Variants in RAD18 observed in about 807,000 individuals in gnomAD.
The protein encoded by RAD18 is E3 ubiquitin-protein ligase RAD18.
Under a neutral mutation model 60.4 loss-of-function variants are expected in RAD18, and 47 were observed. That is an observed-to-expected ratio of 0.78 (90% confidence interval 0.62 to 0.99). RAD18 has a LOEUF of 0.99. Among genes scored for constraint, RAD18 ranks in the 50% least tolerant of loss-of-function variants. The pLI is 0.00. For synonymous variants in RAD18, 225 were observed against 195.5 expected, an observed-to-expected ratio of 1.15 and a Z score of -1.26; for missense variants, 640 against 593.3, an observed-to-expected ratio of 1.08 and a Z score of -0.82.
In RAD18 at chr3:8,878,408, T is replaced by C. The variant is rs1224440192; in HGVS notation, c.*2949A>G. ...TGGTAAAAAATGTAATGGTTGTGGT[T>C]TTCCCTCTTATGTTCATACTTTCAT... On this transcript the variant is annotated 3_prime_UTR_variant, in exon 13 of 13. Transcript: ENST00000264926. 1 of 152,202 alleles carries C rather than the reference T, an allele frequency of 6.6e-6. No individual in the cohort carries two copies. Among genetic ancestry groups the C allele is most frequent in the African/African-American group, 2.4e-5 (1 of 41,446 alleles). 9.4% of individuals were successfully genotyped at this position (152,202 alleles called of 1,614,324 possible).
At chr3:8,955,199 G>A (rs1307556512) in intron 2 of RAD18, among the ~76,000 whole-genome samples, 2 of 152,140 alleles carry the variant, frequency 1.3e-5, no homozygotes, top group Non-Finnish European at 2.9e-5. Context: ...CAAAAGCAAA[G>A]GTCTGGACTA....
At chr3:8,936,146 G>A in intron 6 of RAD18, 91 bp from the exon 7 acceptor site, 1 of 1,239,040 alleles carries the variant, frequency 8.1e-7, no homozygotes, top group East Asian at 2.6e-5. Context: ...CAACACCTGG[G>A]TGACCGGGAA....
intron 6 of RAD18, among the ~76,000 whole-genome samples, chr3:8,937,817 T>C (rs1940678007): frequency 6.6e-6 from 1 of 152,174 alleles, no homozygotes; most frequent in Non-Finnish European, 1.5e-5. Flanking sequence ...ATCCAGGAGG[T>C]AGTGCTTATA....
At chr3:8,885,491 A>G (rs143712720) in intron 12 of RAD18, among the ~76,000 whole-genome samples, 2 of 152,212 alleles carry the variant, frequency 1.3e-5, no homozygotes, top group African/African-American at 4.8e-5. Flanking sequence ...AGATAGAGAC[A>G]AAGAGTTAGC....
At chr3:8,952,964 T>C (rs1940950287) in intron 2 of RAD18, among the ~76,000 whole-genome samples, 1 of 152,176 alleles carries the variant, frequency 6.6e-6, no homozygotes, top group Non-Finnish European at 1.5e-5. Flanking sequence ...ATGTATTTAA[T>C]ATACCTATCT....
At chr3:8,937,102 A>AT (rs1192581662) in intron 6 of RAD18, among the ~76,000 whole-genome samples, 7 of 152,196 alleles carry the variant, frequency 4.6e-5, no homozygotes, top group Admixed American at 4.6e-4. Flanking sequence ...TTTTCTGAAA[A>AT]TTGCTCTTCT....
chr3:8,935,849 AC>A, intron 7 of RAD18, 21 bp downstream of exon 7: 1 of 1,516,844 alleles, frequency 6.6e-7, no homozygotes, highest in Non-Finnish European at 8.9e-7. Flanking sequence ...AGTAAGCATA[AC>A]TCACTGTTTT....
intron 7 of RAD18, among the ~76,000 whole-genome samples, chr3:8,934,614 C>A (rs576699815): frequency 6.6e-6 from 1 of 152,318 alleles, no homozygotes; most frequent in East Asian, 1.9e-4. Flanking sequence ...ACAACTGACA[C>A]CCTCACACCC....
Position 8,947,291 on chromosome 3 carries a change from C to G in RAD18, c.196-1G>C. ...TTTTCAGATCCGGCTCTGTGACAGTCTAGAAAAAACAAACAACAGATGGAA... is the reference window on the plus strand; with the variant it reads ...TTTTCAGATCCGGCTCTGTGACAGTGTAGAAAAAACAAACAACAGATGGAA... On this transcript the variant is annotated splice_acceptor_variant, in intron 3 of 12. Coordinates refer to ENST00000264926, the MANE Select transcript of RAD18 (RefSeq NM_020165.4). LOFTEE classifies it high-confidence loss of function. The G allele has an allele frequency of 6.3e-7, 1 of 1,599,826 alleles. No homozygotes were observed. Among genetic ancestry groups the G allele is most frequent in the Non-Finnish European group, 8.6e-7 (1 of 1,169,444 alleles).
chr3:8,927,361 T>C (rs1177766942), intron 7 of RAD18, among the ~76,000 whole-genome samples: 13 of 152,116 alleles, frequency 8.5e-5, no homozygotes, highest in Admixed American at 5.9e-4. Context: ...CACAATGAGA[T>C]ACCATCTCAC....
At chr3:8,961,580 G>A (rs1441834226) in intron 1 of RAD18, among the ~76,000 whole-genome samples, 1 of 152,204 alleles carries the variant, frequency 6.6e-6, no homozygotes, top group African/African-American at 2.4e-5. Flanking sequence ...ATCTGCTTCT[G>A]GGATCTGATA....
chr3:8,915,138 ACTCCGT>A (rs1346194800), intron 7 of RAD18, among the ~76,000 whole-genome samples: 1 of 110,890 alleles, frequency 9.0e-6, no homozygotes, highest in Non-Finnish European at 1.8e-5. Context: ...ACAAAGCGAG[ACTCCGT>A]CTCAAAAAAA....
intron 12 of RAD18, among the ~76,000 whole-genome samples, chr3:8,883,275 A>T (rs1939504523): frequency 6.6e-6 from 1 of 152,212 alleles, no homozygotes; most frequent in African/African-American, 2.4e-5. Context: ...TCAAATCAAG[A>T]TCAAAGTTGG....
chr3:8,897,788 A>G (rs1482156278), intron 11 of RAD18, among the ~76,000 whole-genome samples: 1 of 152,176 alleles, frequency 6.6e-6, no homozygotes, highest in Non-Finnish European at 1.5e-5. Context: ...ATAAGTGGCC[A>G]GGTACGGTGG....
chr3:8,880,203 AG>A lies in RAD18; in HGVS notation c.*1153del, dbSNP rs1294596463. 1 of 152,266 alleles carries A rather than the reference AG, an allele frequency of 6.6e-6. No homozygotes were observed. The highest frequency in any genetic ancestry group is 1.5e-5 in the Non-Finnish European group (1 of 68,050). The allele number at this position is 152,266 out of a possible 1,614,324, so 9.4% of individuals were successfully genotyped here. A position where few individuals can be genotyped will look rare whatever the true frequency, so the allele number is the denominator to read the frequency against. On this transcript the variant is annotated 3_prime_UTR_variant, in exon 13 of 13. Coordinates refer to ENST00000264926, the MANE Select transcript of RAD18 (RefSeq NM_020165.4). ...AAACACTAAACTCTCAGCCATAATG[AG>A]ACTCCACACATTATCAGAAACCCCA... is the stretch of plus-strand genomic sequence containing the variant.
At chr3:8,882,021 C>G (rs1939471880) in intron 12 of RAD18, among the ~76,000 whole-genome samples, 1 of 152,184 alleles carries the variant, frequency 6.6e-6, no homozygotes, top group Non-Finnish European at 1.5e-5. Flanking sequence ...CAAGGAGAGT[C>G]TGCACACACT....
At chr3:8,940,226 G>GTAT (rs1940724292) in intron 5 of RAD18, among the ~76,000 whole-genome samples, 1 of 152,134 alleles carries the variant, frequency 6.6e-6, no homozygotes, top group Non-Finnish European at 1.5e-5. Flanking sequence ...ATCTGTGGGG[G>GTAT]TATCTCGGGG....
At chr3:8,960,237 T>C (rs546004227) in intron 1 of RAD18, among the ~76,000 whole-genome samples, 23 of 152,132 alleles carry the variant, frequency 1.5e-4, no homozygotes, top group African/African-American at 4.6e-4. Flanking sequence ...AGCCCAGGAG[T>C]TCAAGGCTGC....
intron 7 of RAD18, among the ~76,000 whole-genome samples, chr3:8,925,209 T>TA (rs200994692): frequency 0.11 from 17,090 of 151,706 alleles, 1,072 homozygotes; most frequent in East Asian, 0.23. Flanking sequence ...ATAGACGCAA[T>TA]AAAAAATGAT....
Sources: allele counts gnomAD v4.1 joint callset (sites outside exome capture counted in the v4.1 genomes callset), GRCh38; gene constraint gnomAD v4.1.1; transcripts MANE v1.5; gene names NCBI Gene and HGNC (gene_info 2026-07-23, HGNC 2026-07-21).